The following LARS2 variants were observed in gnomAD, a reference collection of about 807,000 sequenced individuals.
LARS2 encodes leucyl-tRNA synthetase 2, mitochondrial.
In LARS2, 81 loss-of-function variants were observed where a neutral mutation model predicts 116.6. The observed-to-expected ratio is 0.69, with a 90% CI of 0.58 to 0.84. The LOEUF (loss-of-function observed/expected upper bound fraction) is 0.84. Ranked by LOEUF, LARS2 falls within the 40% of genes least tolerant of loss-of-function variation. The pLI is 0.00. For missense variants in LARS2, 968 were observed against 1,114.5 expected (o/e 0.87, Z 1.87); for synonymous variants, 396 against 407.2 (o/e 0.97, Z 0.33).
chr3:45,418,057 T>C (rs1414298516), intron 5 of LARS2, among the ~76,000 whole-genome samples: 1 of 152,190 alleles, frequency 6.6e-6, no homozygotes, highest in Non-Finnish European at 1.5e-5. Flanking sequence ...GGGTGTGGTT[T>C]TCTCCAAGGC....
At chr3:45,517,513 G>A (rs1459064231) in intron 17 of LARS2, among the ~76,000 whole-genome samples, 1 of 152,232 alleles carries the variant, frequency 6.6e-6, no homozygotes, top group East Asian at 1.9e-4. Context: ...GTAAGAGCTT[G>A]CACCAGCAGG....
intron 20 of LARS2, among the ~76,000 whole-genome samples, chr3:45,540,008 C>T (rs1336286197): frequency 2.6e-5 from 4 of 152,080 alleles, no homozygotes; most frequent in East Asian, 1.9e-4. Context: ...CGGTGGCTCA[C>T]GCCTGTAATC....
intron 6 of LARS2, among the ~76,000 whole-genome samples, chr3:45,422,907 CTT>C (rs1230246462): frequency 2.0e-5 from 3 of 152,070 alleles, no homozygotes; most frequent in African/African-American, 7.2e-5. Context: ...AATTTGGAGT[CTT>C]TGTGTTTAAT....
At chr3:45,532,987 C>G (rs1262421671) in intron 20 of LARS2, among the ~76,000 whole-genome samples, 5 of 152,012 alleles carry the variant, frequency 3.3e-5, no homozygotes, top group African/African-American at 1.2e-4. Context: ...AAGATCTTAA[C>G]TTGTTCCTTG....
rs920473523 is a variant in LARS2, at chr3:45,512,723, C to T, written c.1761-412C>T. Among the ~76,000 whole-genome samples the T allele has an allele frequency of 4.6e-5, 7 of 152,182 alleles. No homozygotes were observed. In the South Asian group the frequency reaches 1.4e-3, roughly 31 times the overall value. ...TGTATACAAAGGCATTGAAAAATGT[C>T]TCCAGACTTTTCCAGGGATATATAC... On this transcript the variant is annotated intron_variant, in intron 15 of 21. Coordinates refer to ENST00000645846, the MANE Select transcript of LARS2 (RefSeq NM_015340.4).
intron 8 of LARS2, among the ~76,000 whole-genome samples, chr3:45,470,903 C>G (rs998936926): frequency 2.0e-5 from 3 of 151,780 alleles, no homozygotes; most frequent in African/African-American, 7.3e-5. Context: ...TGATATTTTC[C>G]CAGGTTTTTG....
At chr3:45,501,417 A>G (rs1327552455) in intron 15 of LARS2, among the ~76,000 whole-genome samples, 2 of 152,102 alleles carry the variant, frequency 1.3e-5, no homozygotes, top group African/African-American at 4.8e-5. Context: ...TTACATAGGT[A>G]GAATTATATT....
intron 10 of LARS2, among the ~76,000 whole-genome samples, chr3:45,479,890 A>G (rs571421048): frequency 8.1e-4 from 123 of 152,214 alleles, no homozygotes; most frequent in Non-Finnish European, 1.6e-3. Context: ...CTATCTACAC[A>G]ATGCATTTTT....
chr3:45,389,021 T>G (rs1299570205), intron 1 of LARS2: 1 of 152,198 alleles, frequency 6.6e-6, no homozygotes, highest in Non-Finnish European at 1.5e-5. Flanking sequence ...CTTGCCTCTC[T>G]GGGGCCCACA....
At chr3:45,449,485 C>T (rs180733462) in intron 7 of LARS2, among the ~76,000 whole-genome samples, 5 of 152,120 alleles carry the variant, frequency 3.3e-5, no homozygotes, top group East Asian at 1.9e-4. Context: ...ATAACAAGCC[C>T]ACTCTTGATA....
rs375435339 is a variant in LARS2, at chr3:45,419,758, G to A, written c.516+29G>A. 112 of 1,575,606 alleles carry A rather than the reference G, an allele frequency of 7.1e-5. 1 individual carries two copies. Among genetic ancestry groups the A allele is most frequent in the African/African-American group, 2.8e-4 (21 of 74,300 alleles). ...AGTCAACTCTTTTTCCTGAAAGGTC[G>A]TCATTTTAAGGAAGGACTTGATGGC... On this transcript the variant is annotated intron_variant, in intron 6 of 21. Transcript: ENST00000645846.
At position 45,400,249 on chromosome 3, in the gene LARS2, C is replaced by G; in HGVS notation, c.239C>G (p.Ser80Trp). 6.2e-7 allele frequency: 1 copy of G among 1,612,618 alleles called. No individual in the cohort carries two copies. Among genetic ancestry groups the G allele is most frequent in the Non-Finnish European group, 8.5e-7 (1 of 1,179,414 alleles). The stretch of plus-strand genomic sequence containing the variant: ...CTCATTGTCGTTCTTTCCTAGAAAT[C>G]GAAGCCAAAATTTTACGTGCTTTCC... ...QASKISEADK[S>W]KPKFYVLSMF... The change falls in exon 4 of 22, where the codon TCG becomes TGG. Residue 80 changes from serine (S) to tryptophan (W), a missense_variant. Transcript: ENST00000645846.
At chr3:45,408,236 C>A (rs578156155) in intron 4 of LARS2, among the ~76,000 whole-genome samples, 2 of 152,250 alleles carry the variant, frequency 1.3e-5, no homozygotes, top group South Asian at 2.1e-4. Flanking sequence ...CACCAAGGCT[C>A]ACCCTGGAGC....
At position 45,491,682 on chromosome 3, in the gene LARS2, C is replaced by T; in HGVS notation, c.1405C>T (p.Pro469Ser). 6.2e-7 allele frequency: 1 copy of T among 1,614,212 alleles called. No individual in the cohort carries two copies. The highest frequency in any genetic ancestry group is 2.2e-5 in the East Asian group (1 of 44,888). Reference protein sequence around the residue: ...IPIVHCPVCGPTPVPLEDLPV... With the variant: ...IPIVHCPVCGSTPVPLEDLPV... ...CATTGTCCACTGCCCAGTCTGTGGCCCCACACCTGTGCCCCTGGAGGACTT... is the reference window on the plus strand; with the variant it reads ...CATTGTCCACTGCCCAGTCTGTGGCTCCACACCTGTGCCCCTGGAGGACTT... The change falls in exon 13 of 22, where the codon CCC (proline) becomes TCC (serine). Residue 469 changes from proline (P) to serine (S), a missense_variant. Pro to Ser is a moderately conservative substitution (Grantham distance 74). Transcript: ENST00000645846.
chr3:45,458,741 A>G lies in LARS2; in HGVS notation c.607-2A>G. ...TGCCATTTTGTTTCATGAATTATAC[A>G]GGCCCTGGTTAACTGGGACCCAGTG... On this transcript the variant is annotated splice_acceptor_variant, in intron 7 of 21. Coordinates refer to ENST00000645846, the MANE Select transcript of LARS2 (RefSeq NM_015340.4). LOFTEE classifies it high-confidence loss of function. The G allele has an allele frequency of 1.2e-6, 2 of 1,614,074 alleles. No homozygotes were observed. Among genetic ancestry groups the G allele is most frequent in the Non-Finnish European group, 1.7e-6 (2 of 1,179,960 alleles).
intron 7 of LARS2, among the ~76,000 whole-genome samples, chr3:45,449,140 G>A (rs953615757): frequency 1.3e-5 from 2 of 151,358 alleles, no homozygotes; most frequent in Non-Finnish European, 2.9e-5. Flanking sequence ...GGGAGCAAGG[G>A]GAAGCTTAAC....
chr3:45,490,639 A>G (rs1699899644), intron 12 of LARS2, among the ~76,000 whole-genome samples: 1 of 152,182 alleles, frequency 6.6e-6, no homozygotes, highest in African/African-American at 2.4e-5. Context: ...GTATTTTCTT[A>G]TTCTTTATGC....
chr3:45,465,689 G>C (rs186669701), intron 8 of LARS2, among the ~76,000 whole-genome samples: 1 of 152,190 alleles, frequency 6.6e-6, no homozygotes, highest in Non-Finnish European at 1.5e-5. Flanking sequence ...CTGGGCCTTC[G>C]CTCTGGGATT....
At chr3:45,445,574 G>A (rs1161892389) in intron 6 of LARS2, among the ~76,000 whole-genome samples, 2 of 152,224 alleles carry the variant, frequency 1.3e-5, no homozygotes, top group Non-Finnish European at 2.9e-5. Flanking sequence ...TGTGGAAGCT[G>A]GCCTAGGTGG....
Sources: allele counts gnomAD v4.1 joint callset (sites outside exome capture counted in the v4.1 genomes callset), GRCh38; gene constraint gnomAD v4.1.1; transcripts MANE v1.5; gene names NCBI Gene and HGNC (gene_info 2026-07-23, HGNC 2026-07-21).